Variants in MAML3 observed in about 807,000 individuals in gnomAD.
The protein encoded by MAML3 is mastermind like transcriptional coactivator 3.
MAML3 carries 27 observed loss-of-function variants against 101.9 expected under a neutral mutation model. The observed-to-expected ratio is 0.27, with a 90% CI of 0.20 to 0.37. The LOEUF (loss-of-function observed/expected upper bound fraction) is 0.37. Among genes scored for constraint, MAML3 ranks in the 10% least tolerant of loss-of-function variants. The probability of loss-of-function intolerance (pLI) is 1.00; values close to 1 mark genes in which losing one functional copy is unlikely to be tolerated. For synonymous variants in MAML3, 501 were observed against 555.9 expected, an observed-to-expected ratio of 0.90 and a Z score of 1.39; for missense variants, 1,316 against 1,444.9, an observed-to-expected ratio of 0.91 and a Z score of 1.45.
chr4:139,967,832 G>C (rs889557209), intron 1 of MAML3, among the ~76,000 whole-genome samples: 1 of 151,950 alleles, frequency 6.6e-6, no homozygotes, highest in Non-Finnish European at 1.5e-5. Flanking sequence ...TGCCATACTT[G>C]TATTTAAAGT....
chr4:139,836,053 AG>A (rs1731251181), intron 2 of MAML3, among the ~76,000 whole-genome samples: 1 of 152,218 alleles, frequency 6.6e-6, no homozygotes, highest in African/African-American at 2.4e-5. Flanking sequence ...GAACCTTATC[AG>A]GGAAGCCAGT....
intron 2 of MAML3, among the ~76,000 whole-genome samples, chr4:139,747,898 AC>A (rs1446603235): frequency 1.3e-5 from 2 of 151,174 alleles, no homozygotes; most frequent in African/African-American, 4.9e-5. Context: ...TACCAAAAAT[AC>A]AAAAATTAGC....
At chr4:139,907,172 T>C (rs908273327) in intron 1 of MAML3, among the ~76,000 whole-genome samples, 1 of 152,150 alleles carries the variant, frequency 6.6e-6, no homozygotes, top group African/African-American at 2.4e-5. Flanking sequence ...AGCAAAAATA[T>C]GCATGTGGTG....
At chr4:140,113,991 A>AACTC (rs1461553264) in intron 1 of MAML3, among the ~76,000 whole-genome samples, 1 of 152,118 alleles carries the variant, frequency 6.6e-6, no homozygotes, top group Non-Finnish European at 1.5e-5. Flanking sequence ...CCATTCACTG[A>AACTC]ACTCATTTTC....
chr4:139,764,023 G>A (rs1379108627), intron 2 of MAML3, among the ~76,000 whole-genome samples: 1 of 152,232 alleles, frequency 6.6e-6, no homozygotes, highest in African/African-American at 2.4e-5. Context: ...TCCAAAAAGT[G>A]TGTCAGAAGC....
rs761733625 is a variant in MAML3, at chr4:139,890,446, G to A, written c.990C>T (p.Asn330=). Residue 330 remains asparagine, a synonymous_variant, in exon 2 of 5, where the codon AAC becomes AAT. Coordinates refer to ENST00000509479, the MANE Select transcript of MAML3 (RefSeq NM_018717.5). This position sits in a 1 kb window ranked among gnomAD's most constrained non-coding sequence, Gnocchi z 4.1. ...VPEDDIQDLF[N]EDFEEKKEPE... is the part of the protein sequence containing the mutation. Reference sequence around the variant, plus strand: ...GCTCCTTCTTCTCTTCAAAGTCTTCGTTGAACAGGTCCTGTATGTCATCCT... The same window carrying A: ...GCTCCTTCTTCTCTTCAAAGTCTTCATTGAACAGGTCCTGTATGTCATCCT... The A allele has an allele frequency of 5.6e-6, 9 of 1,611,478 alleles. No individual in the cohort carries two copies. Among genetic ancestry groups the A allele is most frequent in the East Asian group, 4.5e-5 (2 of 44,804 alleles).
At chr4:140,150,091 C>T (rs1027405522) in intron 1 of MAML3, among the ~76,000 whole-genome samples, 6 of 152,100 alleles carry the variant, frequency 3.9e-5, no homozygotes, top group Admixed American at 6.5e-5. Context: ...CTGTACACAG[C>T]CCTGGCATTT....
chr4:139,796,412 CA>C (rs1682890091), intron 2 of MAML3, among the ~76,000 whole-genome samples: 1 of 152,166 alleles, frequency 6.6e-6, no homozygotes, highest in African/African-American at 2.4e-5. Flanking sequence ...TTTGTAATGA[CA>C]GCAGTAGATT....
intron 1 of MAML3, among the ~76,000 whole-genome samples, chr4:139,975,634 C>T (rs11100398): frequency 0.52 from 78,685 of 152,070 alleles, 23,114 homozygotes; most frequent in East Asian, 0.9. Flanking sequence ...TTATTCACTG[C>T]TGTATGTCTC....
chr4:139,970,322 G>T (rs971874949), intron 1 of MAML3, among the ~76,000 whole-genome samples: 4 of 152,186 alleles, frequency 2.6e-5, no homozygotes, highest in African/African-American at 7.2e-5. Flanking sequence ...AGCAAAAGCT[G>T]GAAGTAGGAA....
At chr4:140,117,311 T>C (rs1225471161) in intron 1 of MAML3, among the ~76,000 whole-genome samples, 1 of 152,224 alleles carries the variant, frequency 6.6e-6, no homozygotes, top group Non-Finnish European at 1.5e-5. Flanking sequence ...CAAGTAAGAC[T>C]TTTAAAAGCT....
At chr4:139,844,890 G>A (rs189794343) in intron 2 of MAML3, among the ~76,000 whole-genome samples, 1 of 152,160 alleles carries the variant, frequency 6.6e-6, no homozygotes. Context: ...CATTTGTTTA[G>A]TCCTATTCTG....
Position 139,730,658 on chromosome 4 carries a change from G to T in MAML3, c.2089C>A (p.Pro697Thr), listed in dbSNP as rs757265486. ...ALPSHGQEQH[P>T]VGLPRTTGPM... ...CCTGTGGTTCGGGGAAGTCCAACTG[G>T]ATGCTGCTCCTGGGAAGACAAGAGA... The change falls in exon 3 of 5, where the codon CCA becomes ACA. Residue 697 changes from proline (P) to threonine (T), a missense_variant. Pro to Thr is a conservative substitution (Grantham distance 38, BLOSUM62 -1). Coordinates refer to ENST00000509479, the MANE Select transcript of MAML3 (RefSeq NM_018717.5). 6.2e-7 allele frequency: 1 copy of T among 1,611,960 alleles called. No homozygotes were observed. The highest frequency in any genetic ancestry group is 8.5e-7 in the Non-Finnish European group (1 of 1,178,794).
At position 140,145,685 on chromosome 4, in the gene MAML3, C is replaced by T. The variant is rs564036876; in HGVS notation, c.468+7175G>A. Among the ~76,000 whole-genome samples, 26 of 152,144 alleles carry T rather than the reference C, an allele frequency of 1.7e-4. No homozygotes were observed. In the South Asian group the frequency reaches 5.0e-3, roughly 29 times the overall value. ...GGTTCAAGCAATTCTCCTGCCTCAGCCTCCCAAGTAGCTGGGATTATAGAC... is the reference window on the plus strand; with the variant it reads ...GGTTCAAGCAATTCTCCTGCCTCAGTCTCCCAAGTAGCTGGGATTATAGAC... On this transcript the variant is annotated intron_variant, in intron 1 of 4. Coordinates refer to ENST00000509479, the MANE Select transcript of MAML3 (RefSeq NM_018717.5).
At chr4:140,152,798 G>GCCCCCCCCCC in intron 1 of MAML3, 62 bp downstream of exon 1, 26 of 1,555,732 alleles carry the variant, frequency 1.7e-5, no homozygotes, top group South Asian at 2.5e-5. Flanking sequence ...AGCTCCACGC[G>GCCCCCCCCCC]CCCCCCACCA....
In MAML3 at chr4:140,103,078, G is replaced by A. The variant is rs1198709060; in HGVS notation, c.468+49782C>T. 3.3e-5 allele frequency among the ~76,000 whole-genome samples: 5 copies of A among 152,272 alleles called. No individual in the cohort carries two copies. In the East Asian group the frequency reaches 9.6e-4, roughly 29 times the overall value. Reference sequence around the variant, plus strand: ...GAAACTCCCCGACGCCACTCTCAATGGTGAGGAAGGACCACTGCTTGCTCT... The same window carrying A: ...GAAACTCCCCGACGCCACTCTCAATAGTGAGGAAGGACCACTGCTTGCTCT... On this transcript the variant is annotated intron_variant, in intron 1 of 4. Coordinates refer to ENST00000509479, the MANE Select transcript of MAML3 (RefSeq NM_018717.5).
At chr4:140,076,177 T>G (rs1727762293) in intron 1 of MAML3, among the ~76,000 whole-genome samples, 1 of 151,478 alleles carries the variant, frequency 6.6e-6, no homozygotes, top group Admixed American at 6.6e-5. Flanking sequence ...CATTTATATA[T>G]ATATAATATA....
chr4:139,847,957 G>T (rs557414086), intron 2 of MAML3, among the ~76,000 whole-genome samples: 34 of 152,056 alleles, frequency 2.2e-4, no homozygotes, highest in Admixed American at 6.6e-4. Flanking sequence ...CTATTTTAGG[G>T]ATCTCCAATC....
chr4:139,968,309 TAAAA>T (rs60977680), intron 1 of MAML3, among the ~76,000 whole-genome samples: 2 of 106,304 alleles, frequency 1.9e-5, no homozygotes. Context: ...GGCTCTGTCT[TAAAA>T]AAAAAAAAAA....
Sources: allele counts gnomAD v4.1 joint callset (sites outside exome capture counted in the v4.1 genomes callset), GRCh38; gene constraint gnomAD v4.1.1; non-coding constraint Gnocchi (gnomAD v3.1); transcripts MANE v1.5; gene names NCBI Gene and HGNC (gene_info 2026-07-23, HGNC 2026-07-21).